ABHD14A: variants seen among roughly 807,000 people sequenced by gnomAD.
ABHD14A encodes the protein abhydrolase domain containing 14A.
ABHD14A carries 19 observed loss-of-function variants against 27.0 expected under a neutral mutation model. The observed-to-expected ratio is 0.70, with a 90% CI of 0.49 to 1.03. The LOEUF (loss-of-function observed/expected upper bound fraction) is 1.03, where lower values mean the gene tolerates loss of function less well. Among genes scored for constraint, ABHD14A ranks in the 50% least tolerant of loss-of-function variants. The probability of loss-of-function intolerance (pLI) is 0.00; values close to 1 mark genes in which losing one functional copy is unlikely to be tolerated. For missense variants in ABHD14A, 311 were observed against 344.6 expected (o/e 0.90, Z 0.77); for synonymous variants, 148 against 158.8 (o/e 0.93, Z 0.51).
chr3:51,976,206 G>A (rs1173938641), intron 1 of ABHD14A, among the ~76,000 whole-genome samples: 1 of 152,254 alleles, frequency 6.6e-6, no homozygotes, highest in Non-Finnish European at 1.5e-5. Flanking sequence ...CCTCCACTAG[G>A]TCCTGGTTTT....
Position 51,981,150 on chromosome 3 carries a change from T to G in ABHD14A, c.*132T>G. On this transcript the variant is annotated 3_prime_UTR_variant, in exon 5 of 5. Transcript: ENST00000273596. The stretch of plus-strand genomic sequence containing the variant: ...GTCAGACCCAGCCAGGACTCCTCAT[T>G]TCATCTCACAGACACAATAAAAAAG... The G allele has an allele frequency of 3.3e-6, 3 of 919,634 alleles. No homozygotes were observed. The highest frequency in any genetic ancestry group is 4.9e-6 in the Non-Finnish European group (3 of 608,878). 57.0% of individuals were successfully genotyped at this position (919,634 alleles called of 1,614,324 possible).
intron 1 of ABHD14A, among the ~76,000 whole-genome samples, chr3:51,976,056 G>T (rs369236496): frequency 1.3e-5 from 2 of 152,352 alleles, no homozygotes; most frequent in South Asian, 2.1e-4. Flanking sequence ...CGCCCTTCCC[G>T]CTTTGGAGAA....
At chr3:51,978,706 C>A in intron 3 of ABHD14A, 1 of 271,376 alleles carries the variant, frequency 3.7e-6, no homozygotes, top group Non-Finnish European at 7.6e-6. Context: ...ATTCTCCTGC[C>A]TCCGCTTCCC....
In ABHD14A at chr3:51,978,058, T is replaced by G. The variant is rs756396716; in HGVS notation, c.257T>G (p.Val86Gly). 2 of 1,613,914 alleles carry G rather than the reference T, an allele frequency of 1.2e-6. No individual in the cohort carries two copies. Among genetic ancestry groups the G allele is most frequent in the South Asian group, 2.2e-5 (2 of 91,070 alleles). ...PGNSPIFYRE[V>G]LPLNQAHRVE... ...AACTCGCCCATCTTTTACCGCGAGG[T>G]GCTCCCACTCAACCAGGCACACAGG... The change falls in exon 2 of 5, where the codon GTG becomes GGG. Residue 86 changes from valine to glycine, a missense_variant. Physicochemically the swap from Val to Gly is moderately radical, Grantham distance 109. Transcript: ENST00000273596.
Position 51,975,200 on chromosome 3 carries a change from G to A in ABHD14A, c.65G>A (p.Gly22Asp). 1 of 1,267,790 alleles carries A rather than the reference G, an allele frequency of 7.9e-7. No individual in the cohort carries two copies. The highest frequency in any genetic ancestry group is 9.9e-7 in the Non-Finnish European group (1 of 1,006,168). The allele number at this position is 1,267,790 out of a possible 1,614,324, so 78.5% of individuals were successfully genotyped here. Residue 22 changes from glycine (G) to aspartate (D), a missense_variant, in exon 1 of 5, where the codon GGC (glycine) becomes GAC (aspartate). Physicochemically the swap from Gly to Asp is moderately conservative, Grantham distance 94. Transcript: ENST00000273596. ...GGGGCCCGCCCGCTCATCCCGTTGGGCCCGGTGAGTCTCCCGGGGGAGGGA... is the reference window on the plus strand; with the variant it reads ...GGGGCCCGCCCGCTCATCCCGTTGGACCCGGTGAGTCTCCCGGGGGAGGGA... ...LGGARPLIPL[G>D]PTVVQTSMSR...
At chr3:51,980,298 G>C in intron 3 of ABHD14A, 95 bp from the exon 4 acceptor site, 1 of 1,096,558 alleles carries the variant, frequency 9.1e-7, no homozygotes, top group Non-Finnish European at 1.4e-6. Flanking sequence ...GTGTGCCAGT[G>C]CCAGTGGTCC....
chr3:51,981,020 C>A lies in ABHD14A; in HGVS notation c.*2C>A. ...GCCTTCCTTGACCATCTACCTTGAA[C>A]TAACCCACTCCCAGCTCCCAGCCTG... On this transcript the variant is annotated 3_prime_UTR_variant, in exon 5 of 5. Coordinates refer to ENST00000273596, the MANE Select transcript of ABHD14A (RefSeq NM_015407.5). 4 of 1,603,550 alleles carry A rather than the reference C, an allele frequency of 2.5e-6. No individual in the cohort carries two copies. Among genetic ancestry groups the A allele is most frequent in the Non-Finnish European group, 3.4e-6 (4 of 1,171,074 alleles).
At chr3:51,976,858 CA>C (rs1359809249) in intron 1 of ABHD14A, among the ~76,000 whole-genome samples, 3 of 152,114 alleles carry the variant, frequency 2.0e-5, no homozygotes. Context: ...ACTGAAGACA[CA>C]AGGTCAGGAA....
chr3:51,980,365 C>T, intron 3 of ABHD14A, 28 bp from the exon 4 acceptor site: 1 of 1,610,394 alleles, frequency 6.2e-7, no homozygotes, highest in Middle Eastern at 1.7e-4. Flanking sequence ...CCCAGTGCCC[C>T]TCAGCTGGTA....
At chr3:51,980,303 T>C (rs1700885320) in intron 3 of ABHD14A, 90 bp from the exon 4 acceptor site, 1 of 1,187,744 alleles carries the variant, frequency 8.4e-7, no homozygotes, top group Admixed American at 1.9e-5. Flanking sequence ...CCAGTGCCAG[T>C]GGTCCCCAAC....
At chr3:51,976,193 C>T (rs1053820190) in intron 1 of ABHD14A, among the ~76,000 whole-genome samples, 6 of 152,268 alleles carry the variant, frequency 3.9e-5, no homozygotes. Context: ...GGAACGCGCT[C>T]TTCCTCCACT....
intron 3 of ABHD14A, 60 bp downstream of exon 3, chr3:51,978,434 C>A: frequency 7.3e-7 from 1 of 1,375,938 alleles, no homozygotes. Flanking sequence ...GGCAACTGGA[C>A]CCTAGGGTCT....
intron 4 of ABHD14A, 47 bp downstream of exon 4, chr3:51,980,675 T>C (rs1553724563): frequency 6.3e-7 from 1 of 1,590,564 alleles, no homozygotes; most frequent in Non-Finnish European, 8.6e-7. Flanking sequence ...GTCTGTGGCT[T>C]GGGGGGGTTC....
At chr3:51,976,119 G>A (rs932122143) in intron 1 of ABHD14A, among the ~76,000 whole-genome samples, 3 of 152,244 alleles carry the variant, frequency 2.0e-5, no homozygotes, top group Non-Finnish European at 4.4e-5. Context: ...CGCCCGGTGG[G>A]AATCTGGACT....
chr3:51,980,014 C>CG (rs1234673184), intron 3 of ABHD14A, among the ~76,000 whole-genome samples: 2 of 151,962 alleles, frequency 1.3e-5, no homozygotes, highest in East Asian at 1.9e-4. Context: ...CTCCGCCCCC[C>CG]GGGGTTCATG....
Position 51,978,038 on chromosome 3 carries a change from G to A in ABHD14A, c.237G>A (p.Ser79=), listed in dbSNP as rs201635694. The A allele has an allele frequency of 1.2e-4, 191 of 1,614,024 alleles. No individual in the cohort carries two copies. The highest frequency in any genetic ancestry group is 1.5e-4 in the Non-Finnish European group (178 of 1,180,026). The change falls in exon 2 of 5, where the codon TCG becomes TCA. Residue 79 remains serine, a synonymous_variant. Transcript: ENST00000273596. The part of the protein sequence containing the change: ...TVLAGLTPGN[S]PIFYREVLPL... ...TGGCTGGTCTCACCCCTGGCAACTC[G>A]CCCATCTTTTACCGCGAGGTGCTCC...
chr3:51,980,716 C>A, intron 4 of ABHD14A, 88 bp downstream of exon 4: 2 of 1,554,638 alleles, frequency 1.3e-6, no homozygotes, highest in South Asian at 2.4e-5. Context: ...AGGGACATGG[C>A]CTTATCCCTG....
intron 1 of ABHD14A, among the ~76,000 whole-genome samples, chr3:51,975,528 CGT>C (rs1469232056): frequency 2.6e-5 from 4 of 151,014 alleles, no homozygotes; most frequent in Non-Finnish European, 5.9e-5. Flanking sequence ...TTTCTGTGTG[CGT>C]GTGATTTTAA....
Position 51,980,840 on chromosome 3 carries a change from C to T in ABHD14A, c.638C>T (p.Pro213Leu). The T allele has an allele frequency of 6.2e-7, 1 of 1,612,128 alleles. No homozygotes were observed. The highest frequency in any genetic ancestry group is 1.1e-5 in the South Asian group (1 of 91,036). ...TQEQFWAVKT[P>L]TLILYGELDH... The stretch of plus-strand genomic sequence containing the variant: ...GCCCCCTGCCTTGCCCTGCAGACTC[C>T]AACCCTTATCCTGTATGGAGAGCTG... The change falls in exon 5 of 5, where the codon CCA (proline) becomes CTA (leucine). Residue 213 changes from proline (P) to leucine (L), a missense_variant. By Grantham distance (98) the Pro-to-Leu change is moderately conservative. Transcript: ENST00000273596.
Sources: allele counts gnomAD v4.1 joint callset (sites outside exome capture counted in the v4.1 genomes callset), GRCh38; gene constraint gnomAD v4.1.1; transcripts MANE v1.5; gene names NCBI Gene and HGNC (gene_info 2026-07-23, HGNC 2026-07-21).